SNX31: variants seen among roughly 807,000 people sequenced by gnomAD.
SNX31 encodes the protein sorting nexin-31.
In SNX31, 58 loss-of-function variants were observed where a neutral mutation model predicts 65.4. The ratio of observed to expected loss-of-function variants is 0.89; its 90% CI spans 0.72 to 1.10. SNX31 has a LOEUF of 1.10. Ranked by LOEUF, SNX31 falls within the 50% of genes least tolerant of loss-of-function variation. The pLI, the probability that SNX31 is intolerant of heterozygous loss-of-function variation, is 0.00. For missense variants in SNX31, 523 were observed against 529.7 expected (o/e 0.99, Z 0.12); for synonymous variants, 181 against 190.1 (o/e 0.95, Z 0.39).
In SNX31 at chr8:100,630,296, T is replaced by A. The variant is rs1818326495; in HGVS notation, c.321+31A>T. 1.2e-6 allele frequency: 2 copies of A among 1,607,360 alleles called. No individual in the cohort carries two copies. The highest frequency in any genetic ancestry group is 1.7e-6 in the Non-Finnish European group (2 of 1,174,374). On this transcript the variant is annotated intron_variant, in intron 4 of 13. Coordinates refer to ENST00000311812, the MANE Select transcript of SNX31 (RefSeq NM_152628.4). This position sits in a 1 kb window ranked among gnomAD's most constrained non-coding sequence, Gnocchi z 5.3. The stretch of plus-strand genomic sequence containing the variant: ...TCATGAAGAGTGTCCTGCAGAGGAA[T>A]GATGGCCCCATTAAAGAAGAGCAAG...
intron 1 of SNX31, among the ~76,000 whole-genome samples, chr8:100,659,538 T>C (rs111593739): frequency 2.0e-5 from 3 of 152,196 alleles, no homozygotes; most frequent in African/African-American, 7.2e-5. Flanking sequence ...CTATCTTTAT[T>C]GGTTACAAGT....
chr8:100,652,971 A>G (rs1161009823), upstream of SNX31, among the ~76,000 whole-genome samples: 1 of 152,224 alleles, frequency 6.6e-6, no homozygotes, highest in Non-Finnish European at 1.5e-5. Context: ...TTGAGCAAAC[A>G]TGGAAGAGAT....
rs1814905851 is a variant in SNX31 at position 100,594,712 on chromosome 8, T to C, written c.978+1927A>G. 6.6e-6 allele frequency among the ~76,000 whole-genome samples: 1 copy of C among 152,222 alleles called. No individual in the cohort carries two copies. The highest frequency in any genetic ancestry group is 6.5e-5 in the Admixed American group (1 of 15,276). On this transcript the variant is annotated intron_variant, in intron 10 of 13. Coordinates refer to ENST00000311812, the MANE Select transcript of SNX31 (RefSeq NM_152628.4). This position sits in a 1 kb window ranked among gnomAD's most constrained non-coding sequence, Gnocchi z 4.0. Reference sequence around the variant, plus strand: ...TTGCTGGTGGGAATGTAAAATGATGTAGCCATTCTCAAAAACAATTCGGCA... The same window carrying C: ...TTGCTGGTGGGAATGTAAAATGATGCAGCCATTCTCAAAAACAATTCGGCA...
intron 2 of SNX31, among the ~76,000 whole-genome samples, chr8:100,647,482 A>T (rs1819715440): frequency 6.6e-6 from 1 of 152,138 alleles, no homozygotes; most frequent in African/African-American, 2.4e-5. Context: ...CCTGAAAATA[A>T]GCATTTTCCC....
In SNX31 at chr8:100,596,688, T is replaced by A; in HGVS notation, c.929A>T (p.Asp310Val). The A allele has an allele frequency of 6.2e-7, 1 of 1,614,160 alleles. No individual in the cohort carries two copies. The highest frequency in any genetic ancestry group is 2.2e-5 in the East Asian group (1 of 44,884). The change falls in exon 10 of 14, where the codon GAC becomes GTC. Residue 310 changes from aspartate to valine, a missense_variant. By Grantham distance (152) the Asp-to-Val change is radical. Transcript: ENST00000311812. ...CITLPDSQTQ[D>V]IVFQMSRVKC... ...CACCCTGCTCATCTGGAAAACGATG[T>A]CCTGGGTCTGGCTGTCAGGCAGGGT... is the stretch of plus-strand genomic sequence containing the variant.
intron 10 of SNX31, among the ~76,000 whole-genome samples, chr8:100,591,545 T>C (rs1394059119): frequency 2.1e-5 from 3 of 145,472 alleles, no homozygotes; most frequent in Non-Finnish European, 3.0e-5. Context: ...ATCAAAAAAG[T>C]AAAACTGGCC....
In SNX31 at chr8:100,649,599, C is replaced by T. The variant is rs1587106147; in HGVS notation, c.-85G>A. ...CGGCTCTGAACTCGGCAGCGGTGGA[C>T]GCAGCGCGGCCTGCCACGCGACTCA... On this transcript the variant is annotated 5_prime_UTR_variant, in exon 1 of 14. Coordinates refer to ENST00000311812, the MANE Select transcript of SNX31 (RefSeq NM_152628.4). 1 of 1,326,956 alleles carries T rather than the reference C, an allele frequency of 7.5e-7. No individual in the cohort carries two copies. The highest frequency in any genetic ancestry group is 1.0e-6 in the Non-Finnish European group (1 of 960,104). The allele number at this position is 1,326,956 out of a possible 1,614,324, so 82.2% of individuals were successfully genotyped here.
intron 1 of SNX31, among the ~76,000 whole-genome samples, chr8:100,659,639 C>A (rs1171862462): frequency 1.3e-5 from 2 of 151,914 alleles, no homozygotes. Flanking sequence ...AAAGCAATAT[C>A]CATCCATTGT....
chr8:100,652,441 T>C (rs1819991540), upstream of SNX31, among the ~76,000 whole-genome samples: 1 of 152,194 alleles, frequency 6.6e-6, no homozygotes, highest in African/African-American at 2.4e-5. Flanking sequence ...GGAGTATTCA[T>C]TGAGTGCTTC....
At chr8:100,657,673 G>A in intron 1 of SNX31, 1 of 455,964 alleles carries the variant, frequency 2.2e-6, no homozygotes, top group Non-Finnish European at 4.4e-6. Context: ...GGACAAGATG[G>A]GGATTGGGAA....
chr8:100,584,237 T>A, intron 11 of SNX31, 49 bp from the exon 12 acceptor site: 1 of 1,468,304 alleles, frequency 6.8e-7, no homozygotes, highest in Non-Finnish European at 9.3e-7. Flanking sequence ...AAATCTTCAC[T>A]CTCTTTCTTC....
intron 5 of SNX31, 28 bp downstream of exon 5, chr8:100,617,592 C>T: frequency 6.8e-7 from 1 of 1,463,482 alleles, no homozygotes; most frequent in Non-Finnish European, 9.5e-7. Flanking sequence ...AGATTCAGTT[C>T]TGGAGCTGGA....
At chr8:100,641,122 C>T (rs1173724565) in intron 2 of SNX31, among the ~76,000 whole-genome samples, 1 of 152,098 alleles carries the variant, frequency 6.6e-6, no homozygotes, top group East Asian at 1.9e-4. Context: ...GATGTTCTGG[C>T]TTCTCTGGAA....
chr8:100,652,063 C>G (rs551216794), upstream of SNX31, among the ~76,000 whole-genome samples: 124 of 152,258 alleles, frequency 8.1e-4, no homozygotes, highest in Non-Finnish European at 1.6e-3. Context: ...ACTGCAAGCT[C>G]CACCTCCCGG....
In SNX31 at chr8:100,630,334, G is replaced by A. The variant is rs201994033; in HGVS notation, c.314C>T (p.Ala105Val). The A allele has an allele frequency of 2.8e-4, 451 of 1,613,264 alleles. 1 individual carries two copies. The highest frequency in any genetic ancestry group is 1.7e-3 in the East Asian group (76 of 44,862). ...SDVFVEFLKL[A>V]QLNTFDIATK... is the part of the protein sequence containing the mutation. ...AAAGAAGAGCAAGCTTACCAGCTGCGCCAGTTTTAAAAACTCAACGAAGAC... is the reference window on the plus strand; with the variant it reads ...AAAGAAGAGCAAGCTTACCAGCTGCACCAGTTTTAAAAACTCAACGAAGAC... Residue 105 changes from alanine (A) to valine (V), a missense_variant, in exon 4 of 14, where the codon GCG (alanine) becomes GTG (valine). Ala to Val is a moderately conservative substitution (Grantham distance 64). Coordinates refer to ENST00000311812, the MANE Select transcript of SNX31 (RefSeq NM_152628.4). This position sits in a 1 kb window ranked among gnomAD's most constrained non-coding sequence, Gnocchi z 5.3.
intron 5 of SNX31, 65 bp downstream of exon 5, chr8:100,617,555 C>G (rs895031599): frequency 1.7e-6 from 2 of 1,152,832 alleles, no homozygotes; most frequent in Non-Finnish European, 1.3e-6. Context: ...GTATCCCATT[C>G]TCTGCTTTCC....
In SNX31 at chr8:100,613,546, G is replaced by A. The variant is rs754682634; in HGVS notation, c.433-461C>T. Reference sequence around the variant, plus strand: ...CCCGCCGCTTGGCTGGCATACAAACGTGCATGCGCTACTGCCCACCTTTGA... The same window carrying A: ...CCCGCCGCTTGGCTGGCATACAAACATGCATGCGCTACTGCCCACCTTTGA... On this transcript the variant is annotated intron_variant, in intron 5 of 13. Transcript: ENST00000311812. This position sits in a 1 kb window ranked among gnomAD's most constrained non-coding sequence, Gnocchi z 5.2. 7.2e-5 allele frequency among the ~76,000 whole-genome samples: 11 copies of A among 152,166 alleles called. No individual in the cohort carries two copies. Among genetic ancestry groups the A allele is most frequent in the Admixed American group, 2.0e-4 (3 of 15,276 alleles).
At chr8:100,649,995 AGCAATATAT>A (rs1296592372), upstream of SNX31, among the ~76,000 whole-genome samples, 1 of 152,236 alleles carries the variant, frequency 6.6e-6, no homozygotes, top group Admixed American at 6.5e-5. Flanking sequence ...CAAGACATGC[AGCAATATAT>A]GCAACCTTGC....
At chr8:100,631,161 A>G (rs1205960353) in intron 3 of SNX31, among the ~76,000 whole-genome samples, 1 of 152,146 alleles carries the variant, frequency 6.6e-6, no homozygotes, top group African/African-American at 2.4e-5. Flanking sequence ...AGTCAGAGAG[A>G]TTTAAAATAT....
Sources: gnomAD v4.1 joint callset for allele counts (sites outside exome capture counted in the v4.1 genomes callset) on GRCh38, gnomAD v4.1.1 for gene constraint, Gnocchi (gnomAD v3.1) non-coding constraint, MANE v1.5 for transcripts, NCBI Gene and HGNC (gene_info 2026-07-23, HGNC 2026-07-21) for gene names.